Variants in RNF217 observed in about 807,000 individuals in gnomAD.
RNF217 encodes ring finger protein 217, also known as E3 ubiquitin-protein ligase RNF217.
In RNF217, 31 loss-of-function variants were observed where a neutral mutation model predicts 57.8. That is an observed-to-expected ratio of 0.54 (90% confidence interval 0.40 to 0.72). The LOEUF is 0.72. Among genes scored for constraint, RNF217 ranks in the 30% least tolerant of loss-of-function variants. RNF217 has a pLI of 0.00. For missense variants in RNF217, 696 were observed against 708.3 expected, an observed-to-expected ratio of 0.98 and a Z score of 0.20; for synonymous variants, 313 against 294.0, an observed-to-expected ratio of 1.06 and a Z score of -0.66.
intron 3 of RNF217, among the ~76,000 whole-genome samples, chr6:125,065,495 A>C (rs995796508): frequency 6.6e-6 from 1 of 152,086 alleles, no homozygotes; most frequent in Admixed American, 6.6e-5. Context: ...CAGCCCCACC[A>C]TCTTTGTGAC....
chr6:125,027,787 C>T (rs1019974419), intron 1 of RNF217, among the ~76,000 whole-genome samples: 1 of 152,162 alleles, frequency 6.6e-6, no homozygotes, highest in Non-Finnish European at 1.5e-5. Flanking sequence ...TACAAAGGTT[C>T]CCTTTTCTCC....
rs1280504011 is a variant in RNF217, at chr6:124,972,533, GCATTC to G, written c.882+9108_882+9112del. Among the ~76,000 whole-genome samples the G allele has an allele frequency of 2.0e-5, 3 of 152,170 alleles. No individual in the cohort carries two copies. In the East Asian group the frequency reaches 5.8e-4, roughly 29 times the overall value. On this transcript the variant is annotated intron_variant, in intron 1 of 5. Coordinates refer to ENST00000521654, the MANE Select transcript of RNF217 (RefSeq NM_001286398.3). ...TTATAACGGTATCTCATGTCCCTGTGCATTCTGACTCCTGTGTGTCCGTCTGAGCT... is the reference window on the plus strand; with the variant it reads ...TTATAACGGTATCTCATGTCCCTGTGTGACTCCTGTGTGTCCGTCTGAGCT...
intron 1 of RNF217, among the ~76,000 whole-genome samples, chr6:125,022,114 C>G (rs1785866369): frequency 6.6e-6 from 1 of 152,082 alleles, no homozygotes; most frequent in Non-Finnish European, 1.5e-5. Context: ...AACTCCTTAC[C>G]TTAGGTGACC....
chr6:125,031,177 C>A (rs1786341655), intron 1 of RNF217, among the ~76,000 whole-genome samples: 1 of 152,230 alleles, frequency 6.6e-6, no homozygotes, highest in Admixed American at 6.5e-5. Context: ...ACCCTGGGGA[C>A]TGTGGGCCCA....
At chr6:124,970,725 G>A (rs1783730007) in intron 1 of RNF217, among the ~76,000 whole-genome samples, 1 of 152,180 alleles carries the variant, frequency 6.6e-6, no homozygotes, top group African/African-American at 2.4e-5. Context: ...ATTGGAGACT[G>A]AGTCCGAGCA....
intron 1 of RNF217, among the ~76,000 whole-genome samples, chr6:125,039,602 T>C (rs1382511728): frequency 1.3e-5 from 2 of 152,150 alleles, no homozygotes; most frequent in East Asian, 3.9e-4. Context: ...GTAGACCTAA[T>C]AGACATCTAC....
At chr6:125,026,871 GAGT>G (rs935687442) in intron 1 of RNF217, among the ~76,000 whole-genome samples, 2 of 152,050 alleles carry the variant, frequency 1.3e-5, no homozygotes, top group Non-Finnish European at 2.9e-5. Context: ...ACTAGTTATA[GAGT>G]AGTATTATTT....
intron 1 of RNF217, among the ~76,000 whole-genome samples, chr6:125,031,724 C>T (rs1480428539): frequency 6.6e-6 from 1 of 152,162 alleles, no homozygotes; most frequent in Admixed American, 6.5e-5. Context: ...TAGGAAGTTC[C>T]AAACTTTCCC....
At chr6:125,075,861 A>G (rs2114640673) in intron 3 of RNF217, among the ~76,000 whole-genome samples, 1 of 152,252 alleles carries the variant, frequency 6.6e-6, no homozygotes, top group Admixed American at 6.5e-5. Flanking sequence ...AGTCTTGATT[A>G]TAACATGGTC....
At chr6:125,016,859 G>A (rs1476775456) in intron 1 of RNF217, among the ~76,000 whole-genome samples, 1 of 152,148 alleles carries the variant, frequency 6.6e-6, no homozygotes, top group South Asian at 2.1e-4. Context: ...TGCAGCAAAC[G>A]GCCATGGCAC....
intron 5 of RNF217, 39 bp downstream of exon 5, chr6:125,081,546 G>A: frequency 6.8e-7 from 1 of 1,469,300 alleles, no homozygotes; most frequent in Non-Finnish European, 9.5e-7. Flanking sequence ...AGAATTATCT[G>A]AGGGCCATAG....
At chr6:124,983,435 T>C in intron 1 of RNF217, 1 of 985,020 alleles carries the variant, frequency 1.0e-6, no homozygotes, top group Non-Finnish European at 1.2e-6. Context: ...AGGACAAATG[T>C]GAATTTAGAG....
At position 124,962,653 on chromosome 6, in the gene RNF217, A is replaced by T; in HGVS notation, c.109A>T (p.Ser37Cys). ...TGAGCCCCCGAGGCCTCAGGGGGAC[A>T]GCGCCCGGGCGCCCCCGCTGCGCGC... ...HPEPPRPQGD[S>C]ARAPPLRAAS... The change falls in exon 1 of 6, where the codon AGC becomes TGC. Residue 37 changes from serine to cysteine, a missense_variant. Ser to Cys is a moderately radical substitution (Grantham distance 112, BLOSUM62 -1). This residue lies in a region of RNF217 where 465 missense variants were observed against 386.8 expected (regional missense o/e 1.20). Coordinates refer to ENST00000521654, the MANE Select transcript of RNF217 (RefSeq NM_001286398.3). This position sits in a 1 kb window ranked among gnomAD's most constrained non-coding sequence, Gnocchi z 4.6. 1.5e-6 allele frequency: 2 copies of T among 1,330,918 alleles called. No individual in the cohort carries two copies. The highest frequency in any genetic ancestry group is 1.9e-6 in the Non-Finnish European group (2 of 1,051,868). 82.4% of individuals were successfully genotyped at this position (1,330,918 alleles called of 1,614,324 possible).
At chr6:125,030,252 G>T (rs563666355) in intron 1 of RNF217, among the ~76,000 whole-genome samples, 1 of 152,066 alleles carries the variant, frequency 6.6e-6, no homozygotes, top group Non-Finnish European at 1.5e-5. Flanking sequence ...TTCAGTGGGG[G>T]CACAGCCAAA....
intron 3 of RNF217, among the ~76,000 whole-genome samples, chr6:125,062,917 T>C (rs1396385594): frequency 6.6e-5 from 10 of 152,160 alleles, no homozygotes; most frequent in Non-Finnish European, 1.5e-5. Flanking sequence ...GAAACACCAT[T>C]TTTTATCTTA....
intron 4 of RNF217, among the ~76,000 whole-genome samples, chr6:125,077,970 C>T (rs1163515361): frequency 6.6e-6 from 1 of 152,144 alleles, no homozygotes; most frequent in Non-Finnish European, 1.5e-5. Flanking sequence ...CATGTATACG[C>T]AAATGCACTT....
intron 1 of RNF217, among the ~76,000 whole-genome samples, chr6:125,024,792 T>C (rs894592244): frequency 3.3e-5 from 5 of 151,494 alleles, no homozygotes; most frequent in African/African-American, 1.2e-4. Flanking sequence ...GTTTTTAGAC[T>C]GTTGAGTTTG....
intron 1 of RNF217, among the ~76,000 whole-genome samples, chr6:124,982,320 A>G (rs557978914): frequency 3.9e-5 from 6 of 152,248 alleles, no homozygotes; most frequent in African/African-American, 9.6e-5. Context: ...TGTAAATGTG[A>G]TGGGATTTAA....
chr6:124,977,348 T>C (rs1417047669), intron 1 of RNF217, among the ~76,000 whole-genome samples: 1 of 152,184 alleles, frequency 6.6e-6, no homozygotes, highest in East Asian at 1.9e-4. Flanking sequence ...TGAGGTGTCT[T>C]TTCAGTTACA....
Sources: allele counts gnomAD v4.1 joint callset (sites outside exome capture counted in the v4.1 genomes callset), GRCh38; gene constraint gnomAD v4.1.1; regional missense constraint gnomAD v4.1.1; non-coding constraint Gnocchi (gnomAD v3.1); transcripts MANE v1.5; gene names NCBI Gene and HGNC (gene_info 2026-07-23, HGNC 2026-07-21).